Variants in INTS11 observed in about 807,000 individuals in gnomAD.
INTS11 encodes the protein integrator complex subunit 11, also known as CPSF3-like protein.
Under a neutral mutation model 78.6 loss-of-function variants are expected in INTS11, and 77 were observed. The observed-to-expected ratio is 0.98, with a 90% CI of 0.81 to 1.18. The LOEUF (loss-of-function observed/expected upper bound fraction) is 1.18. Ranked by LOEUF, INTS11 falls within the 50% of genes most tolerant of loss-of-function variation. The pLI is 0.00. For missense variants in INTS11, 875 were observed against 825.9 expected (o/e 1.06, Z -0.73); for synonymous variants, 441 against 326.9 (o/e 1.35, Z -3.77).
intron 1 of INTS11, 127 bp from the exon 2 acceptor site, chr1:1,321,220 G>T (rs760836234): frequency 7.3e-6 from 5 of 689,500 alleles, no homozygotes; most frequent in Non-Finnish European, 1.2e-5. Context: ...AGACACATGG[G>T]CCAAGAAGCA....
Position 1,313,753 on chromosome 1 carries a change from A to G in INTS11, c.936T>C (p.Phe312=), listed in dbSNP as rs200727675. The G allele has an allele frequency of 3.6e-5, 58 of 1,613,048 alleles. No homozygotes were observed. The highest frequency in any genetic ancestry group is 4.7e-5 in the Non-Finnish European group (55 of 1,179,910). The stretch of plus-strand genomic sequence containing the variant: ...TCACCATCGGTCCTGGGTTGTCAGC[A>G]AAAGCCCGGTCGAAGGCCTTGATGT... ...FKHIKAFDRA[F]ADNPGPMVVF... Residue 312 remains phenylalanine (F), a synonymous_variant, in exon 9 of 17, where the codon TTT becomes TTC. Transcript: ENST00000435064.
intron 1 of INTS11, among the ~76,000 whole-genome samples, chr1:1,321,524 G>A (rs911674627): frequency 6.6e-6 from 1 of 152,240 alleles, no homozygotes; most frequent in Non-Finnish European, 1.5e-5. Context: ...TCTTTCCCCA[G>A]GCAGGCAAGG....
At chr1:1,315,102 G>T in intron 6 of INTS11, 140 bp from the exon 7 acceptor site, 2 of 1,055,300 alleles carry the variant, frequency 1.9e-6, no homozygotes, top group South Asian at 1.5e-5. Context: ...CTGGTAAAAT[G>T]CTGTGGGCAG....
chr1:1,321,533 G>A (rs774613967), intron 1 of INTS11, among the ~76,000 whole-genome samples: 8 of 152,254 alleles, frequency 5.3e-5, no homozygotes, highest in Non-Finnish European at 1.0e-4. Context: ...AGGCAGGCAA[G>A]GCAGTAAGTG....
intron 6 of INTS11, 95 bp downstream of exon 6, chr1:1,315,309 C>T (rs1642511755): frequency 6.1e-6 from 9 of 1,467,346 alleles, no homozygotes; most frequent in African/African-American, 1.4e-5. Flanking sequence ...GAGACACTGC[C>T]AGGCTGGCCA....
chr1:1,315,819 TGA>T (rs1642566274), intron 4 of INTS11: 1 of 11,692 alleles, frequency 8.6e-5, no homozygotes, highest in Non-Finnish European at 1.6e-4. Flanking sequence ...GGGCAGGGAG[TGA>T]GGGGGGCGGG....
intron 1 of INTS11, chr1:1,322,037 C>G: frequency 8.3e-7 from 1 of 1,205,960 alleles, no homozygotes; most frequent in Non-Finnish European, 1.1e-6. Flanking sequence ...CCTGCCCCCG[C>G]TGGGTGTGAG....
rs2100572647 is a variant in INTS11, at chr1:1,313,522, T to G, written c.1028A>C (p.Asn343Thr). The change falls in exon 10 of 17, where the codon AAC becomes ACC. Residue 343 changes from asparagine (N) to threonine (T), a missense_variant. Asn to Thr is a moderately conservative substitution (Grantham distance 65). Coordinates refer to ENST00000435064, the MANE Select transcript of INTS11 (RefSeq NM_017871.6). ...CCATGCCCTCACCATGTTCTTTTCG[T>G]TTCCGGCCCATTTCCGGAAGATCTG... ...SLQIFRKWAG[N>T]EKNMVIMPGY... is the part of the protein sequence containing the mutation. 2 of 1,613,032 alleles carry G rather than the reference T, an allele frequency of 1.2e-6. No homozygotes were observed. Among genetic ancestry groups the G allele is most frequent in the East Asian group, 2.2e-5 (1 of 44,890 alleles).
At position 1,314,701 on chromosome 1, in the gene INTS11, C is replaced by T; in HGVS notation, c.702+123G>A. On this transcript the variant is annotated intron_variant, in intron 7 of 16. Coordinates refer to ENST00000435064, the MANE Select transcript of INTS11 (RefSeq NM_017871.6). The surrounding 1 kb of genome is among the most constrained non-coding windows in gnomAD (Gnocchi z 4.2). ...AATGTTGAGCAAATCTTCTTCCCTC[C>T]CTGCCTGAAAATGCAGTACCCCCCA... The T allele has an allele frequency of 1.7e-6, 2 of 1,185,240 alleles. No individual in the cohort carries two copies. The highest frequency in any genetic ancestry group is 2.4e-6 in the Non-Finnish European group (2 of 834,918). The allele number at this position is 1,185,240 out of a possible 1,614,324, so 73.4% of individuals were successfully genotyped here. A position where few individuals can be genotyped will look rare whatever the true frequency, so the allele number is the denominator to read the frequency against.
intron 1 of INTS11, chr1:1,323,401 C>T (rs190285494): frequency 1.0e-5 from 12 of 1,202,882 alleles, no homozygotes; most frequent in African/African-American, 4.6e-5. Context: ...TCGTTCTATA[C>T]TGTTACGACT....
At position 1,324,652 on chromosome 1, in the gene INTS11, A is replaced by T; in HGVS notation, c.-44T>A. ...GGACCCGCGAGGCCCGCCTGCGGTG[A>T]TGCACTGCGCAGGCGCAACCACCTC... On this transcript the variant is annotated 5_prime_UTR_variant, in exon 1 of 17. Transcript: ENST00000435064. 1 of 1,593,092 alleles carries T rather than the reference A, an allele frequency of 6.3e-7. No homozygotes were observed. The highest frequency in any genetic ancestry group is 8.5e-7 in the Non-Finnish European group (1 of 1,171,092).
In INTS11 at chr1:1,314,093, G is replaced by C. The variant is rs1334969301; in HGVS notation, c.768-172C>G. ...CCCTGCAGCAGCCGGGCTCAGCGGA[G>C]AACCAGGAACCCCTACAAGAGCCGC... On this transcript the variant is annotated intron_variant, in intron 8 of 16. Coordinates refer to ENST00000435064, the MANE Select transcript of INTS11 (RefSeq NM_017871.6). The surrounding 1 kb of genome is among the most constrained non-coding windows in gnomAD (Gnocchi z 4.2). 1 of 771,626 alleles carries C rather than the reference G, an allele frequency of 1.3e-6. No individual in the cohort carries two copies. The highest frequency in any genetic ancestry group is 2.1e-6 in the Non-Finnish European group (1 of 474,136). The allele number at this position is 771,626 out of a possible 1,614,324, so 47.8% of individuals were successfully genotyped here.
At chr1:1,321,314 C>T (rs749542081) in intron 1 of INTS11, among the ~76,000 whole-genome samples, 23 of 152,218 alleles carry the variant, frequency 1.5e-4, no homozygotes, top group Non-Finnish European at 3.4e-4. Context: ...GCAGCCCACA[C>T]GCCCTCCCCC....
At chr1:1,320,419 A>G in intron 3 of INTS11, 37 bp downstream of exon 3, 1 of 1,600,654 alleles carries the variant, frequency 6.2e-7, no homozygotes, top group Non-Finnish European at 8.6e-7. Flanking sequence ...CCACAGGCAC[A>G]GACATGGGAC....
At chr1:1,319,647 C>CGG in intron 3 of INTS11, 123 bp from the exon 4 acceptor site, 1 of 653,210 alleles carries the variant, frequency 1.5e-6, no homozygotes. Context: ...TCCCGAGTAC[C>CGG]GAAGAGTCAG....
At chr1:1,319,651 G>T in intron 3 of INTS11, 127 bp from the exon 4 acceptor site, 1 of 641,174 alleles carries the variant, frequency 1.6e-6, no homozygotes, top group Middle Eastern at 4.3e-4. Flanking sequence ...GAGTACCGAA[G>T]AGTCAGTAAT....
Position 1,314,290 on chromosome 1 carries a change from GC to G in INTS11, c.767+10del. On this transcript the variant is annotated intron_variant, in intron 8 of 16. Transcript: ENST00000435064. This position sits in a 1 kb window ranked among gnomAD's most constrained non-coding sequence, Gnocchi z 4.2. The stretch of plus-strand genomic sequence containing the variant: ...AGGGGCTCCTTAAAGAGCCGTCCTG[GC>G]GGCACCTACCAGAAGGTCTCCAGGA... The G allele has an allele frequency of 6.3e-7, 1 of 1,588,984 alleles. No individual in the cohort carries two copies. Among genetic ancestry groups the G allele is most frequent in the Non-Finnish European group, 8.6e-7 (1 of 1,169,262 alleles).
intron 1 of INTS11, among the ~76,000 whole-genome samples, chr1:1,324,223 G>A (rs1376111152): frequency 2.0e-5 from 3 of 151,700 alleles, no homozygotes; most frequent in African/African-American, 7.3e-5. Flanking sequence ...GGTCTGCGGG[G>A]CTGAGGGGCT....
Position 1,312,797 on chromosome 1 carries a change from C to G in INTS11, c.1284G>C (p.Glu428Asp), listed in dbSNP as rs1351662914. Residue 428 changes from glutamate (E) to aspartate (D), a missense_variant, in exon 12 of 17, where the codon GAG (glutamate) becomes GAC (aspartate). Physicochemically the swap from Glu to Asp is conservative, Grantham distance 45. Coordinates refer to ENST00000435064, the MANE Select transcript of INTS11 (RefSeq NM_017871.6). ...KKMEFLKQKI[E>D]QELRVNCYMP... is the part of the protein sequence containing the mutation. ...CGCCCGGCTGCCTACGGAGCTCCTG[C>G]TCGATCTTCTGCTTCAGGAACTCCA... is the stretch of plus-strand genomic sequence containing the variant. The G allele has an allele frequency of 1.9e-6, 3 of 1,608,442 alleles. No individual in the cohort carries two copies. Among genetic ancestry groups the G allele is most frequent in the Admixed American group, 1.7e-5 (1 of 59,952 alleles).
Sources: allele counts gnomAD v4.1 joint callset (sites outside exome capture counted in the v4.1 genomes callset), GRCh38; gene constraint gnomAD v4.1.1; non-coding constraint Gnocchi (gnomAD v3.1); transcripts MANE v1.5; gene names NCBI Gene and HGNC (gene_info 2026-07-23, HGNC 2026-07-21).